CCDC60: variants seen among roughly 807,000 people sequenced by gnomAD.
CCDC60 encodes the protein coiled-coil domain containing 60.
CCDC60 carries 54 observed loss-of-function variants against 63.5 expected under a neutral mutation model. That is an observed-to-expected ratio of 0.85 (90% CI 0.68 to 1.07). The LOEUF is 1.07. CCDC60 is among the 50% of genes least tolerant of loss of function. The pLI, the probability that CCDC60 is intolerant of heterozygous loss-of-function variation, is 0.00. For synonymous variants in CCDC60, 206 were observed against 238.8 expected (o/e 0.86, Z 1.27); for missense variants, 651 against 684.3 (o/e 0.95, Z 0.54).
At chr12:119,480,907 C>A (rs891667922) in intron 4 of CCDC60, among the ~76,000 whole-genome samples, 28 of 100,754 alleles carry the variant, frequency 2.8e-4, no homozygotes, top group South Asian at 1.1e-3. Flanking sequence ...CACCACCATC[C>A]TCACCATCAC....
chr12:119,437,937 C>CT (rs2136250778), intron 2 of CCDC60, among the ~76,000 whole-genome samples: 1 of 36,170 alleles, frequency 2.8e-5, no homozygotes, highest in Non-Finnish European at 4.9e-5. Context: ...AGCAAGTGGC[C>CT]ATTAACGAGT....
At chr12:119,476,375 G>C (rs1174169195) in intron 3 of CCDC60, among the ~76,000 whole-genome samples, 2 of 152,204 alleles carry the variant, frequency 1.3e-5, no homozygotes, top group African/African-American at 4.8e-5. Flanking sequence ...AAGCATGGTT[G>C]AGCCAGTAAG....
intron 1 of CCDC60, among the ~76,000 whole-genome samples, chr12:119,341,151 C>A (rs1215664809): frequency 6.6e-6 from 1 of 152,224 alleles, no homozygotes; most frequent in Non-Finnish European, 1.5e-5. Flanking sequence ...ACAGGCAATG[C>A]TTGCCTTAGC....
intron 4 of CCDC60, among the ~76,000 whole-genome samples, chr12:119,487,586 C>T (rs754932086): frequency 1.3e-5 from 2 of 151,914 alleles, no homozygotes; most frequent in African/African-American, 2.4e-5. Flanking sequence ...AGTGAGCCAC[C>T]GTGCCTGGCC....
chr12:119,432,615 T>G (rs1950251025), intron 2 of CCDC60, among the ~76,000 whole-genome samples: 1 of 152,176 alleles, frequency 6.6e-6, no homozygotes, highest in African/African-American at 2.4e-5. Context: ...CAAATGGCTG[T>G]TGATGAGATA....
chr12:119,475,683 C>G (rs1248902077), intron 3 of CCDC60, among the ~76,000 whole-genome samples: 2 of 152,214 alleles, frequency 1.3e-5, no homozygotes, highest in Non-Finnish European at 2.9e-5. Context: ...CCCCATACAA[C>G]TGTTTCACTT....
chr12:119,336,410 C>A (rs1955472443), intron 1 of CCDC60, among the ~76,000 whole-genome samples: 1 of 152,102 alleles, frequency 6.6e-6, no homozygotes, highest in Non-Finnish European at 1.5e-5. Flanking sequence ...ATCCTATTAG[C>A]CAGTAATTCC....
chr12:119,492,247 C>G (rs1951606246), intron 5 of CCDC60, among the ~76,000 whole-genome samples: 1 of 152,126 alleles, frequency 6.6e-6, no homozygotes. Context: ...AACCAGTTCT[C>G]TAGGAGGTGA....
rs954695276 is a variant in CCDC60 at position 119,522,882 on chromosome 12, AC to A, written c.1041-54del. 152 of 1,531,132 alleles carry A rather than the reference AC, an allele frequency of 9.9e-5. No homozygotes were observed. In the Middle Eastern group the frequency reaches 1.0e-3, roughly 10 times the overall value. The allele number at this position is 1,531,132 out of a possible 1,614,324, so 94.8% of individuals were successfully genotyped here. On this transcript the variant is annotated intron_variant, in intron 9 of 13. Coordinates refer to ENST00000327554, the MANE Select transcript of CCDC60 (RefSeq NM_178499.5). Reference sequence around the variant, plus strand: ...GCAGGTGCCATGGAGCACTGGGGGCACCCTTTTCTTGAAAAGCAGACTCTGA... The same window carrying A: ...GCAGGTGCCATGGAGCACTGGGGGCACCTTTTCTTGAAAAGCAGACTCTGA...
At chr12:119,507,610 ATATAT>A (rs1479432027) in intron 7 of CCDC60, among the ~76,000 whole-genome samples, 3 of 34,732 alleles carry the variant, frequency 8.6e-5, no homozygotes, top group Non-Finnish European at 1.6e-4. Context: ...ATATATATAT[ATATAT>A]TTTTTTTTTT....
intron 2 of CCDC60, among the ~76,000 whole-genome samples, chr12:119,457,547 T>C (rs1340241423): frequency 1.3e-5 from 2 of 152,232 alleles, no homozygotes; most frequent in African/African-American, 2.4e-5. Flanking sequence ...TGCAATCAAT[T>C]TGCTGTATAC....
chr12:119,419,835 A>G (rs1956776710), intron 1 of CCDC60, among the ~76,000 whole-genome samples: 1 of 149,854 alleles, frequency 6.7e-6, no homozygotes, highest in South Asian at 2.1e-4. Context: ...AAAAGATGCA[A>G]CCTGTCTTCA....
intron 1 of CCDC60, among the ~76,000 whole-genome samples, chr12:119,344,399 A>G (rs1955565547): frequency 6.6e-6 from 1 of 152,168 alleles, no homozygotes; most frequent in African/African-American, 2.4e-5. Flanking sequence ...GTTCAAGTAG[A>G]AACCCAAGCT....
At chr12:119,441,082 A>C (rs2136259703) in intron 2 of CCDC60, among the ~76,000 whole-genome samples, 1 of 152,268 alleles carries the variant, frequency 6.6e-6, no homozygotes, top group Middle Eastern at 3.4e-3. Context: ...CTGCAGGCAG[A>C]GCTCAGCACC....
intron 6 of CCDC60, among the ~76,000 whole-genome samples, chr12:119,500,679 C>G (rs1056242085): frequency 1.3e-5 from 2 of 151,982 alleles, no homozygotes; most frequent in Admixed American, 6.6e-5. Flanking sequence ...CATAGCAAGA[C>G]CCCGTCTTCA....
chr12:119,510,993 A>C (rs1368063657), intron 7 of CCDC60, among the ~76,000 whole-genome samples: 1 of 152,218 alleles, frequency 6.6e-6, no homozygotes. Context: ...TCAATTACTA[A>C]GAAAGAAGGG....
intron 2 of CCDC60, among the ~76,000 whole-genome samples, chr12:119,434,166 G>A (rs1414040295): frequency 6.6e-6 from 1 of 152,232 alleles, no homozygotes; most frequent in Non-Finnish European, 1.5e-5. Flanking sequence ...TCCAGGTGAT[G>A]CACGTGTTTA....
At position 119,387,314 on chromosome 12, in the gene CCDC60, C is replaced by A. The variant is rs143197219; in HGVS notation, c.91-41369C>A. 8.9e-3 allele frequency among the ~76,000 whole-genome samples: 1,356 copies of A among 151,934 alleles called. 15 individuals are homozygous for A. The highest frequency in any genetic ancestry group is 0.029 in the African/African-American group (1,206 of 41,460). ...GTGTTTTTCTAAACAACAACAACAA[C>A]AAAAAAAACCTCTGTCTTGCACGGT... is the stretch of plus-strand genomic sequence containing the variant. On this transcript the variant is annotated intron_variant, in intron 1 of 13. Transcript: ENST00000327554.
chr12:119,392,516 T>C (rs892634437), intron 1 of CCDC60, among the ~76,000 whole-genome samples: 1 of 152,196 alleles, frequency 6.6e-6, no homozygotes, highest in Non-Finnish European at 1.5e-5. Flanking sequence ...GTGGTGGAGA[T>C]CAAATGAGAG....
Sources: allele counts gnomAD v4.1 joint callset (sites outside exome capture counted in the v4.1 genomes callset), GRCh38; gene constraint gnomAD v4.1.1; transcripts MANE v1.5; gene names NCBI Gene and HGNC (gene_info 2026-07-23, HGNC 2026-07-21).